The following AKAP6 variants were observed in gnomAD, a reference collection of about 807,000 sequenced individuals.
The protein encoded by AKAP6 is A-kinase anchoring protein 6.
Under a neutral mutation model 188.5 loss-of-function variants are expected in AKAP6, and 58 were observed. The observed-to-expected ratio is 0.31, with a 90% CI of 0.25 to 0.38. The LOEUF is 0.38. AKAP6 is among the 10% of genes least tolerant of loss of function. The pLI is 1.00. For synonymous variants in AKAP6, 989 were observed against 998.6 expected (o/e 0.99, Z 0.18); for missense variants, 2,710 against 2,740.0 (o/e 0.99, Z 0.24).
intron 2 of AKAP6, among the ~76,000 whole-genome samples, chr14:32,525,459 A>T (rs754906383): frequency 1.3e-4 from 20 of 152,234 alleles, no homozygotes; most frequent in Non-Finnish European, 2.2e-4. Flanking sequence ...TTGAAGGCAG[A>T]GGAGACTTTC....
At chr14:32,576,881 G>A (rs897164160) in intron 4 of AKAP6, among the ~76,000 whole-genome samples, 1 of 152,120 alleles carries the variant, frequency 6.6e-6, no homozygotes, top group African/African-American at 2.4e-5. Flanking sequence ...CCTCAGAAAA[G>A]TGATTCTAGA....
chr14:32,583,035 A>G (rs563185858), intron 5 of AKAP6, among the ~76,000 whole-genome samples: 61 of 152,324 alleles, frequency 4.0e-4, no homozygotes, highest in Non-Finnish European at 6.6e-4. Context: ...CTGGTGAGGA[A>G]CTGCGTTCCT....
chr14:32,710,836 G>C (rs946387160), intron 9 of AKAP6, among the ~76,000 whole-genome samples: 4 of 151,970 alleles, frequency 2.6e-5, no homozygotes, highest in African/African-American at 4.8e-5. Context: ...AACAGAATCG[G>C]GGCTGACAAC....
intron 12 of AKAP6, among the ~76,000 whole-genome samples, chr14:32,818,096 G>T (rs2034433237): frequency 6.6e-6 from 1 of 152,136 alleles, no homozygotes; most frequent in South Asian, 2.1e-4. Context: ...AGGGCAGAGT[G>T]AGTAGCACTT....
intron 1 of AKAP6, among the ~76,000 whole-genome samples, chr14:32,428,350 C>A (rs942003281): frequency 6.6e-6 from 1 of 152,042 alleles, no homozygotes; most frequent in Non-Finnish European, 1.5e-5. Flanking sequence ...ACATTAGCTT[C>A]CAAATAGGGA....
At chr14:32,636,398 G>A (rs928177083) in intron 7 of AKAP6, among the ~76,000 whole-genome samples, 3 of 152,126 alleles carry the variant, frequency 2.0e-5, no homozygotes, top group South Asian at 4.1e-4. Flanking sequence ...ATTTTGATGT[G>A]TGAGTTTAAA....
chr14:32,686,138 C>T (rs1889915149), intron 8 of AKAP6, among the ~76,000 whole-genome samples: 2 of 152,238 alleles, frequency 1.3e-5, no homozygotes, highest in Middle Eastern at 3.4e-3. Flanking sequence ...TCATTTGCAA[C>T]GACGTGATGG....
intron 2 of AKAP6, among the ~76,000 whole-genome samples, chr14:32,462,409 G>C (rs1374663417): frequency 6.6e-5 from 10 of 152,288 alleles, no homozygotes; most frequent in Non-Finnish European, 1.3e-4. Flanking sequence ...AGCCAGAAGA[G>C]AGTGGGGGCC....
chr14:32,486,299 G>A (rs1879688501), intron 2 of AKAP6, among the ~76,000 whole-genome samples: 1 of 152,092 alleles, frequency 6.6e-6, no homozygotes, highest in Non-Finnish European at 1.5e-5. Context: ...GGCTATATGG[G>A]CTCTTTTTTG....
At position 32,694,234 on chromosome 14, in the gene AKAP6, G is replaced by T. The variant is rs1012351810; in HGVS notation, c.2880-1756G>T. 1.2e-4 allele frequency among the ~76,000 whole-genome samples: 19 copies of T among 152,122 alleles called. No individual in the cohort carries two copies. In the East Asian group the frequency reaches 3.5e-3, roughly 28 times the overall value. On this transcript the variant is annotated intron_variant, in intron 8 of 13. Coordinates refer to ENST00000280979, the MANE Select transcript of AKAP6 (RefSeq NM_004274.5). ...AAATTAGCCGAGCGTGGTGGTGGGC[G>T]CCTGTAGTCCCAGCTACTCGGGAGG...
At chr14:32,801,583 T>C (rs1364489675) in intron 12 of AKAP6, among the ~76,000 whole-genome samples, 2 of 152,196 alleles carry the variant, frequency 1.3e-5, no homozygotes, top group African/African-American at 4.8e-5. Flanking sequence ...TTTACCTTAT[T>C]TATTTCTTCT....
intron 1 of AKAP6, among the ~76,000 whole-genome samples, chr14:32,350,434 A>G (rs1254283346): frequency 6.6e-6 from 1 of 152,218 alleles, no homozygotes; most frequent in Non-Finnish European, 1.5e-5. Context: ...TATCAAGGTC[A>G]TGAGAAACAA....
In AKAP6 at chr14:32,794,389, A is replaced by G. The variant is rs543905101; in HGVS notation, c.3588+20496A>G. Among the ~76,000 whole-genome samples, 662 of 152,196 alleles carry G rather than the reference A, an allele frequency of 4.3e-3. 1 individual carries two copies. The highest frequency in any genetic ancestry group is 5.8e-3 in the Non-Finnish European group (395 of 67,988). On this transcript the variant is annotated intron_variant, in intron 12 of 13. Transcript: ENST00000280979. ...AGCCTGGCCAACATGGTGAAAACTC[A>G]TCTCTACTAAAGATATAAAAATTAG...
Position 32,425,841 on chromosome 14 carries a change from G to T in AKAP6, c.-34-7619G>T, listed in dbSNP as rs373199119. Among the ~76,000 whole-genome samples the T allele has an allele frequency of 2.0e-5, 3 of 152,048 alleles. No homozygotes were observed. The East Asian group carries it at 5.8e-4, about 29-fold the overall frequency. ...TAGTTTCTTTTGCTGTGCAGATGTT[G>T]TTCAGTTTAATTGGATCCCATTTGT... is the stretch of plus-strand genomic sequence containing the variant. On this transcript the variant is annotated intron_variant, in intron 1 of 13. Coordinates refer to ENST00000280979, the MANE Select transcript of AKAP6 (RefSeq NM_004274.5).
chr14:32,547,127 A>G, intron 4 of AKAP6, 128 bp downstream of exon 4: 1 of 958,772 alleles, frequency 1.0e-6, no homozygotes, highest in Non-Finnish European at 1.5e-6. Context: ...TTCTCCAAAG[A>G]AAGAAAAGAA....
At chr14:32,698,284 T>G (rs951348849) in intron 9 of AKAP6, among the ~76,000 whole-genome samples, 1 of 152,174 alleles carries the variant, frequency 6.6e-6, no homozygotes, top group African/African-American at 2.4e-5. Context: ...CAATATCCTA[T>G]TCCTCTGTTC....
At chr14:32,784,073 A>G (rs1236990078) in intron 12 of AKAP6, among the ~76,000 whole-genome samples, 1 of 152,194 alleles carries the variant, frequency 6.6e-6, no homozygotes, top group Non-Finnish European at 1.5e-5. Context: ...ATTGTCAAAA[A>G]TTATATCTAA....
At chr14:32,706,260 T>C (rs1385322614) in intron 9 of AKAP6, among the ~76,000 whole-genome samples, 1 of 152,038 alleles carries the variant, frequency 6.6e-6, no homozygotes, top group African/African-American at 2.4e-5. Context: ...AAGAAAGAAA[T>C]GTTAGAAGGT....
intron 9 of AKAP6, chr14:32,726,199 T>A: frequency 8.1e-6 from 8 of 984,172 alleles, no homozygotes; most frequent in Non-Finnish European, 9.7e-6. Context: ...CCTGAAGATC[T>A]TTACTGCAGA....
Sources: allele counts gnomAD v4.1 joint callset (sites outside exome capture counted in the v4.1 genomes callset), GRCh38; gene constraint gnomAD v4.1.1; transcripts MANE v1.5; gene names NCBI Gene and HGNC (gene_info 2026-07-23, HGNC 2026-07-21).